Variants in SHPRH observed in about 807,000 individuals in gnomAD.
SHPRH encodes E3 ubiquitin-protein ligase SHPRH.
Under a neutral mutation model 202.5 loss-of-function variants are expected in SHPRH, and 106 were observed. That is an observed-to-expected ratio of 0.52 (90% CI 0.45 to 0.62). The LOEUF is 0.62. SHPRH is among the 20% of genes least tolerant of loss of function. SHPRH has a pLI of 0.00. For synonymous variants in SHPRH, 729 were observed against 686.0 expected (o/e 1.06, Z -0.98); for missense variants, 1,710 against 2,020.0 (o/e 0.85, Z 2.94).
At chr6:145,901,489 A>G (rs1782502177) in intron 25 of SHPRH, among the ~76,000 whole-genome samples, 2 of 152,172 alleles carry the variant, frequency 1.3e-5, no homozygotes, top group Admixed American at 1.3e-4. Context: ...CTGCTTGCAA[A>G]AAAGCAAAAA....
At position 145,886,251 on chromosome 6, in the gene SHPRH, G is replaced by A; in HGVS notation, c.*440C>T. On this transcript the variant is annotated 3_prime_UTR_variant, in exon 30 of 30. Transcript: ENST00000275233. ...CATCTACTTAAAATATTACTAACAA[G>A]ATATTGGTGAATCATGTGCTAAAGA... 1 of 478,200 alleles carries A rather than the reference G, an allele frequency of 2.1e-6. No individual in the cohort carries two copies. The highest frequency in any genetic ancestry group is 3.9e-6 in the Non-Finnish European group (1 of 255,274). The allele number at this position is 478,200 out of a possible 1,614,324, so 29.6% of individuals were successfully genotyped here.
At chr6:145,933,662 A>AT (rs145411527) in intron 13 of SHPRH, among the ~76,000 whole-genome samples, 1 of 152,358 alleles carries the variant, frequency 6.6e-6, no homozygotes, top group East Asian at 1.9e-4. Flanking sequence ...ATTTGTTCAT[A>AT]TATCTTTTGA....
At chr6:145,892,923 C>CT (rs1421738989) in intron 28 of SHPRH, among the ~76,000 whole-genome samples, 4 of 151,252 alleles carry the variant, frequency 2.6e-5, no homozygotes, top group Non-Finnish European at 5.9e-5. Flanking sequence ...TTCTAACAAG[C>CT]TTTTTTTTGG....
At chr6:145,963,267 G>A (rs903316491) in intron 1 of SHPRH, among the ~76,000 whole-genome samples, 19 of 152,132 alleles carry the variant, frequency 1.2e-4, no homozygotes, top group African/African-American at 4.3e-4. Context: ...CTATTCAAGA[G>A]TTTCATCATT....
At chr6:145,860,384 A>T (rs1002111328), downstream of SHPRH, among the ~76,000 whole-genome samples, 2 of 152,046 alleles carry the variant, frequency 1.3e-5, no homozygotes, top group East Asian at 1.9e-4. Context: ...AAGAAAATTT[A>T]AAAAATATTT....
At chr6:145,911,156 C>T (rs1433980969) in intron 24 of SHPRH, among the ~76,000 whole-genome samples, 2 of 152,062 alleles carry the variant, frequency 1.3e-5, no homozygotes, top group Non-Finnish European at 2.9e-5. Context: ...TTTAGACATT[C>T]TTGCTCTGTC....
Position 145,952,425 on chromosome 6 carries a change from A to G in SHPRH, c.687T>C (p.Asp229=), listed in dbSNP as rs1381988011. ...TGAACTTTTTCATTCTTGAATTTGC[A>G]TCACTCAAGAAGTCTAGTTTTGCTA... is the stretch of plus-strand genomic sequence containing the variant. The part of the protein sequence containing the change: ...AGLAKLDFLS[D]ANSRMKKFNQ... The change falls in exon 3 of 30, where the codon GAT becomes GAC. Residue 229 remains aspartate (D), a synonymous_variant. Transcript: ENST00000275233. 1 of 1,610,688 alleles carries G rather than the reference A, an allele frequency of 6.2e-7. No individual in the cohort carries two copies. The highest frequency in any genetic ancestry group is 1.7e-5 in the Admixed American group (1 of 59,758).
intron 2 of SHPRH, among the ~76,000 whole-genome samples, chr6:145,866,235 T>C (rs548713880): frequency 3.0e-4 from 46 of 152,390 alleles, no homozygotes; most frequent in South Asian, 1.4e-3. Flanking sequence ...GTAACATCTG[T>C]CTGCTTCCCT....
intron 16 of SHPRH, 100 bp downstream of exon 16, chr6:145,926,104 C>T: frequency 6.6e-6 from 7 of 1,060,488 alleles, no homozygotes; most frequent in Middle Eastern, 2.2e-4. Context: ...AACATGATTA[C>T]ATTTATTTGT....
chr6:145,949,621 C>T (rs751112769), intron 4 of SHPRH, among the ~76,000 whole-genome samples: 22 of 151,968 alleles, frequency 1.4e-4, no homozygotes, highest in African/African-American at 2.4e-4. Flanking sequence ...ATAGTGGGTA[C>T]GATATACACT....
chr6:145,947,382 C>T lies in SHPRH; in HGVS notation c.1212+111G>A, dbSNP rs74449837. The stretch of plus-strand genomic sequence containing the variant: ...ACTAACCACTAATATAAATCATTAC[C>T]CACAGAGTGAACAGAAAGTGTTGAC... On this transcript the variant is annotated intron_variant, in intron 6 of 29. Coordinates refer to ENST00000275233, the MANE Select transcript of SHPRH (RefSeq NM_001042683.3). 6.7e-4 allele frequency: 828 copies of T among 1,238,702 alleles called. 5 individuals carry two copies. In the African/African-American group the frequency reaches 0.011, roughly 17 times the overall value. The allele number at this position is 1,238,702 out of a possible 1,614,324, so 76.7% of individuals were successfully genotyped here. A position where few individuals can be genotyped will look rare whatever the true frequency, so the allele number is the denominator to read the frequency against.
intron 22 of SHPRH, 199 bp downstream of exon 22, chr6:145,919,149 G>T: frequency 1.6e-6 from 1 of 614,132 alleles, no homozygotes; most frequent in Non-Finnish European, 2.7e-6. Context: ...TGAACACTAA[G>T]CATGTAATAG....
chr6:145,867,631 T>TATAGAGAGAGAG (rs1554220329), intron 2 of SHPRH, among the ~76,000 whole-genome samples: 9 of 22,314 alleles, frequency 4.0e-4, no homozygotes, highest in Non-Finnish European at 5.3e-4. Context: ...TATATATATA[T>TATAGAGAGAGAG]AGAGAGAGAG....
At chr6:145,908,700 G>A (rs1168227084) in intron 25 of SHPRH, 2 of 152,096 alleles carry the variant, frequency 1.3e-5, no homozygotes, top group African/African-American at 4.8e-5. Flanking sequence ...CTCCCGTTCT[G>A]TAGGATGCCT....
downstream of SHPRH, among the ~76,000 whole-genome samples, chr6:145,863,600 G>A (rs1779651789): frequency 6.6e-6 from 1 of 152,162 alleles, no homozygotes; most frequent in African/African-American, 2.4e-5. Flanking sequence ...GAAGTTGAGA[G>A]GACAGTGAGC....
At chr6:145,890,846 C>T (rs1781509466) in intron 28 of SHPRH, among the ~76,000 whole-genome samples, 1 of 152,106 alleles carries the variant, frequency 6.6e-6, no homozygotes, top group African/African-American at 2.4e-5. Flanking sequence ...TTATCCTTGA[C>T]CCTCTCATAC....
chr6:145,962,869 T>C (rs1004138373), intron 1 of SHPRH, among the ~76,000 whole-genome samples: 1 of 152,108 alleles, frequency 6.6e-6, no homozygotes, highest in Non-Finnish European at 1.5e-5. Flanking sequence ...AAGGTGAGAG[T>C]ATTTTCTTCT....
rs568692919 is a variant in SHPRH at position 145,914,856 on chromosome 6, C to T, written c.4255-1307G>A. 7.2e-5 allele frequency among the ~76,000 whole-genome samples: 11 copies of T among 152,064 alleles called. No individual in the cohort carries two copies. In the East Asian group the frequency reaches 9.7e-4, roughly 13 times the overall value. Reference sequence around the variant, plus strand: ...ACATACTCTCACATACTTTTAAGAGCGGCTTTTTGAATTAGCATAAGGTCT... The same window carrying T: ...ACATACTCTCACATACTTTTAAGAGTGGCTTTTTGAATTAGCATAAGGTCT... On this transcript the variant is annotated intron_variant, in intron 23 of 29. Transcript: ENST00000275233.
chr6:145,936,007 A>T (rs1039978262), intron 11 of SHPRH, among the ~76,000 whole-genome samples: 1 of 152,202 alleles, frequency 6.6e-6, no homozygotes, highest in Non-Finnish European at 1.5e-5. Flanking sequence ...AAATAAATAA[A>T]TTATAGTAAT....
Sources: gnomAD v4.1 joint callset for allele counts (sites outside exome capture counted in the v4.1 genomes callset) on GRCh38, gnomAD v4.1.1 for gene constraint, MANE v1.5 for transcripts, NCBI Gene and HGNC (gene_info 2026-07-23, HGNC 2026-07-21) for gene names.